LEPROTL1: variants seen among roughly 807,000 people sequenced by gnomAD.
The protein encoded by LEPROTL1 is leptin receptor overlapping transcript like 1.
In LEPROTL1, 6 loss-of-function variants were observed where a neutral mutation model predicts 15.4. The ratio of observed to expected loss-of-function variants is 0.39; its 90% CI spans 0.21 to 0.77. The LOEUF is 0.77. Ranked by LOEUF, LEPROTL1 falls within the 30% of genes least tolerant of loss-of-function variation. LEPROTL1 has a pLI of 0.41. For missense variants in LEPROTL1, 128 were observed against 158.1 expected (o/e 0.81, Z 1.02); for synonymous variants, 56 against 52.6 (o/e 1.06, Z -0.28).
chr8:30,122,752 G>A lies in LEPROTL1; in HGVS notation c.280-9623G>A, dbSNP rs374125191. 3.3e-5 allele frequency among the ~76,000 whole-genome samples: 5 copies of A among 152,092 alleles called. No homozygotes were observed. In the South Asian group the frequency reaches 1.0e-3, roughly 31 times the overall value. ...GGAGGTTGCAGTGAGCTGAGATCGC[G>A]CCACTGCACTGCAGCATGGGCAACA... On this transcript the variant is annotated intron_variant, in intron 3 of 4. Transcript: ENST00000442880.
intron 3 of LEPROTL1, among the ~76,000 whole-genome samples, chr8:30,118,235 G>A (rs913792294): frequency 1.5e-4 from 23 of 152,036 alleles, no homozygotes; most frequent in Admixed American, 2.6e-4. Flanking sequence ...GGCTGGTCTC[G>A]AATTCCTGAC....
intron 4 of LEPROTL1, among the ~76,000 whole-genome samples, chr8:30,136,362 G>A (rs866874128): frequency 3.8e-4 from 58 of 152,302 alleles, no homozygotes; most frequent in African/African-American, 1.2e-3. Flanking sequence ...ACTGCCACCC[G>A]CAAGCCACGA....
At chr8:30,098,601 T>C (rs887541494) in intron 1 of LEPROTL1, among the ~76,000 whole-genome samples, 1 of 152,188 alleles carries the variant, frequency 6.6e-6, no homozygotes, top group Non-Finnish European at 1.5e-5. Context: ...GTACCTTTAG[T>C]GTTCAGAAAA....
chr8:30,100,248 G>A (rs1802443447), intron 1 of LEPROTL1, among the ~76,000 whole-genome samples: 1 of 152,156 alleles, frequency 6.6e-6, no homozygotes, highest in Admixed American at 6.5e-5. Flanking sequence ...ACTTGGCAAA[G>A]TTTAACTTGT....
intron 3 of LEPROTL1, among the ~76,000 whole-genome samples, chr8:30,118,886 A>G (rs937967511): frequency 6.6e-6 from 1 of 152,180 alleles, no homozygotes; most frequent in African/African-American, 2.4e-5. Context: ...CAAACATCTC[A>G]ATAAAGAATA....
chr8:30,117,396 T>C, intron 3 of LEPROTL1: 4 of 1,397,716 alleles, frequency 2.9e-6, no homozygotes, highest in South Asian at 1.2e-5. Flanking sequence ...AGAAAAAGAA[T>C]CCCAGGATTT....
intron 4 of LEPROTL1, among the ~76,000 whole-genome samples, chr8:30,136,588 C>T (rs1803144983): frequency 6.6e-6 from 1 of 152,210 alleles, no homozygotes; most frequent in Non-Finnish European, 1.5e-5. Flanking sequence ...TCTCCCAGCC[C>T]CATCAGGCCC....
In LEPROTL1 at chr8:30,107,694, C is replaced by A. The variant is rs1355750828; in HGVS notation, c.*1832C>A. On this transcript the variant is annotated 3_prime_UTR_variant, in exon 4 of 4. Coordinates refer to ENST00000321250, the MANE Select transcript of LEPROTL1 (RefSeq NM_015344.3). ...ATTTCAAGAGGAAGGTGCAGGTACA[C>A]ATGAGTTAGAGAGCTGGTGAGACAG... 9 of 985,364 alleles carry A rather than the reference C, an allele frequency of 9.1e-6. No individual in the cohort carries two copies. 61.0% of individuals were successfully genotyped at this position (985,364 alleles called of 1,614,324 possible).
chr8:30,107,779 G>C lies in LEPROTL1; in HGVS notation c.*1917G>C. 1 of 985,270 alleles carries C rather than the reference G, an allele frequency of 1.0e-6. No homozygotes were observed. The highest frequency in any genetic ancestry group is 1.2e-6 in the Non-Finnish European group (1 of 829,890). The allele number at this position is 985,270 out of a possible 1,614,324, so 61.0% of individuals were successfully genotyped here. On this transcript the variant is annotated 3_prime_UTR_variant, in exon 4 of 4. Coordinates refer to ENST00000321250, the MANE Select transcript of LEPROTL1 (RefSeq NM_015344.3). ...TTTTTTTGCAGGAAGTGCATTCTCT[G>C]GTCCTTCCCTATTTTCTGTTCTGGA...
chr8:30,134,905 G>A (rs933113273), intron 4 of LEPROTL1, among the ~76,000 whole-genome samples: 25 of 144,686 alleles, frequency 1.7e-4, no homozygotes, highest in Non-Finnish European at 2.4e-4. Context: ...CCTGAGACAC[G>A]GTCTCACTCT....
At position 30,106,087 on chromosome 8, in the gene LEPROTL1, C is replaced by T. The variant is rs962389245; in HGVS notation, c.*225C>T. ...AAAGCTTGACTGATTTCACACTTAT[C>T]TATAGTATGCTTTTTGTGGTGTCCT... On this transcript the variant is annotated 3_prime_UTR_variant, in exon 4 of 4. Transcript: ENST00000321250. The T allele has an allele frequency of 1.9e-6, 2 of 1,061,560 alleles. No individual in the cohort carries two copies. Among genetic ancestry groups the T allele is most frequent in the Admixed American group, 5.2e-5 (1 of 19,186 alleles). 65.8% of individuals were successfully genotyped at this position (1,061,560 alleles called of 1,614,324 possible). A position where few individuals can be genotyped will look rare whatever the true frequency, so the allele number is the denominator to read the frequency against.
In LEPROTL1 at chr8:30,107,357, G is replaced by A. The variant is rs1802584570; in HGVS notation, c.*1495G>A. 1 of 985,586 alleles carries A rather than the reference G, an allele frequency of 1.0e-6. No individual in the cohort carries two copies. Among genetic ancestry groups the A allele is most frequent in the African/African-American group, 1.7e-5 (1 of 57,228 alleles). 61.1% of individuals were successfully genotyped at this position (985,586 alleles called of 1,614,324 possible). A position where few individuals can be genotyped will look rare whatever the true frequency, so the allele number is the denominator to read the frequency against. On this transcript the variant is annotated 3_prime_UTR_variant, in exon 4 of 4. Transcript: ENST00000321250. ...TAAAAACATTCAAGTTGGTCTGACA[G>A]TATTTTGTTAAGGATATTTGTTTGT...
intron 1 of LEPROTL1, 89 bp from the exon 2 acceptor site, chr8:30,101,809 C>A: frequency 2.7e-6 from 2 of 751,852 alleles, no homozygotes; most frequent in Admixed American, 2.6e-5. Context: ...ATTTTTGCTT[C>A]TGAGGTTACA....
chr8:30,095,919 G>A (rs1013854744), intron 1 of LEPROTL1: 6 of 695,404 alleles, frequency 8.6e-6, no homozygotes, highest in African/African-American at 7.0e-5. Flanking sequence ...AGAAGGCTGA[G>A]GCTGCTAGAG....
chr8:30,132,226 G>A (rs145325949), intron 3 of LEPROTL1: 1 of 1,551,850 alleles, frequency 6.4e-7, no homozygotes, highest in Non-Finnish European at 8.7e-7. Flanking sequence ...CACCTGTCCT[G>A]GATGGAGTCC....
At chr8:30,137,816 T>G, downstream of LEPROTL1, 1 of 328,708 alleles carries the variant, frequency 3.0e-6, no homozygotes, top group South Asian at 3.9e-5. Flanking sequence ...GATTAACAAA[T>G]TAGCCGAAAG....
chr8:30,097,896 T>G (rs1289346704), intron 1 of LEPROTL1, among the ~76,000 whole-genome samples: 4 of 142,746 alleles, frequency 2.8e-5, no homozygotes, highest in African/African-American at 1.1e-4. Context: ...GTCCCTTGGT[T>G]TTTTTTTTTT....
chr8:30,103,108 A>G (rs910178484), intron 2 of LEPROTL1, among the ~76,000 whole-genome samples: 12 of 152,166 alleles, frequency 7.9e-5, no homozygotes, highest in African/African-American at 2.9e-4. Flanking sequence ...TATTTATAAG[A>G]GCCAAAAAAA....
chr8:30,113,959 G>A (rs1254568755), intron 3 of LEPROTL1, among the ~76,000 whole-genome samples: 1 of 152,180 alleles, frequency 6.6e-6, no homozygotes, highest in Non-Finnish European at 1.5e-5. Flanking sequence ...CCTAGCAACT[G>A]TTGTACAAAG....
Sources: gnomAD v4.1 joint callset for allele counts (sites outside exome capture counted in the v4.1 genomes callset) on GRCh38, gnomAD v4.1.1 for gene constraint, MANE v1.5 for transcripts, NCBI Gene and HGNC (gene_info 2026-07-23, HGNC 2026-07-21) for gene names.